ANKRD44: variants seen among roughly 807,000 people sequenced by gnomAD.
The protein encoded by ANKRD44 is serine/threonine-protein phosphatase 6 regulatory ankyrin repeat subunit B.
A neutral mutation model predicts 116.0 loss-of-function variants in ANKRD44; 35 were observed. That is an observed-to-expected ratio of 0.30 (90% CI 0.23 to 0.40). The LOEUF is 0.40. Among genes scored for constraint, ANKRD44 ranks in the 10% least tolerant of loss-of-function variants. ANKRD44 has a pLI of 1.00. For missense variants in ANKRD44, 1,014 were observed against 1,242.6 expected, an observed-to-expected ratio of 0.82 and a Z score of 2.77; for synonymous variants, 435 against 461.8, an observed-to-expected ratio of 0.94 and a Z score of 0.74.
chr2:197,088,961 G>T, intron 11 of ANKRD44, 187 bp from the exon 12 acceptor site: 1 of 467,906 alleles, frequency 2.1e-6, no homozygotes, highest in Non-Finnish European at 3.7e-6. Flanking sequence ...CAATTTTATA[G>T]GAAGAACCGT....
chr2:197,107,722 C>T (rs2078465579), intron 9 of ANKRD44, among the ~76,000 whole-genome samples: 1 of 152,196 alleles, frequency 6.6e-6, no homozygotes, highest in African/African-American at 2.4e-5. Flanking sequence ...AAATGCTGTG[C>T]CCATGTGGTC....
At chr2:197,074,436 G>A (rs939418290) in intron 16 of ANKRD44, among the ~76,000 whole-genome samples, 1 of 152,058 alleles carries the variant, frequency 6.6e-6, no homozygotes, top group African/African-American at 2.4e-5. Flanking sequence ...TGCTTTCTTA[G>A]TCTTGAGAGG....
At position 197,023,543 on chromosome 2, in the gene ANKRD44, C is replaced by A. The variant is rs76268328; in HGVS notation, c.1722+1653G>T. On this transcript the variant is annotated intron_variant, in intron 17 of 27. Transcript: ENST00000282272. Reference sequence around the variant, plus strand: ...GCAACCCATAGAGTTTAGCAGAGTACACAATAAGCATTCAACAAATACACT... The same window carrying A: ...GCAACCCATAGAGTTTAGCAGAGTAAACAATAAGCATTCAACAAATACACT... Among the ~76,000 whole-genome samples, 673 of 151,866 alleles carry A rather than the reference C, an allele frequency of 4.4e-3. 6 individuals are homozygous for A. Among genetic ancestry groups the A allele is most frequent in the African/African-American group, 0.016 (649 of 41,396 alleles).
chr2:197,247,212 A>C (rs558134547), intron 1 of ANKRD44, among the ~76,000 whole-genome samples: 4 of 152,306 alleles, frequency 2.6e-5, no homozygotes, highest in Admixed American at 1.3e-4. Context: ...TCTGAACATG[A>C]CGCCAGGCAG....
At chr2:197,032,508 C>A (rs1483004885) in intron 16 of ANKRD44, among the ~76,000 whole-genome samples, 1 of 151,978 alleles carries the variant, frequency 6.6e-6, no homozygotes, top group Non-Finnish European at 1.5e-5. Flanking sequence ...CCTGCCTCAG[C>A]CTCCTGAGTA....
intron 9 of ANKRD44, among the ~76,000 whole-genome samples, chr2:197,100,682 T>C (rs1231714746): frequency 1.3e-5 from 2 of 152,230 alleles, no homozygotes; most frequent in East Asian, 1.9e-4. Flanking sequence ...AATGATTTCA[T>C]GTAATTTGAT....
At chr2:197,028,329 C>T (rs1162304170) in intron 16 of ANKRD44, among the ~76,000 whole-genome samples, 1 of 151,934 alleles carries the variant, frequency 6.6e-6, no homozygotes, top group Non-Finnish European at 1.5e-5. Context: ...CTCAAGTGAT[C>T]CTCCCACCTC....
intron 2 of ANKRD44, among the ~76,000 whole-genome samples, chr2:197,151,757 A>C (rs868038370): frequency 2.0e-5 from 3 of 152,310 alleles, no homozygotes; most frequent in Middle Eastern, 6.8e-3. Context: ...CTTGCAGTCC[A>C]CTGATCAGTT....
chr2:197,098,659 G>A (rs1179589315), intron 10 of ANKRD44, among the ~76,000 whole-genome samples: 1 of 152,092 alleles, frequency 6.6e-6, no homozygotes, highest in Non-Finnish European at 1.5e-5. Context: ...TGTTCAAAGA[G>A]CTTTTAACAT....
chr2:197,257,277 G>A (rs1299620203), intron 1 of ANKRD44, among the ~76,000 whole-genome samples: 2 of 152,050 alleles, frequency 1.3e-5, no homozygotes, highest in Admixed American at 1.3e-4. Flanking sequence ...GACCCACCTG[G>A]GAAAGCTAAA....
chr2:197,202,516 T>C (rs2081115027), intron 1 of ANKRD44, among the ~76,000 whole-genome samples: 1 of 152,162 alleles, frequency 6.6e-6, no homozygotes, highest in Non-Finnish European at 1.5e-5. Flanking sequence ...AGGACCAAGC[T>C]GCTCAGAACT....
intron 21 of ANKRD44, among the ~76,000 whole-genome samples, chr2:197,002,911 T>C (rs1345638351): frequency 1.3e-5 from 2 of 152,136 alleles, no homozygotes; most frequent in East Asian, 3.8e-4. Context: ...ATGGGACAAT[T>C]TGAAATATTA....
In ANKRD44 at chr2:197,240,940, C is replaced by T. The variant is rs2082077875; in HGVS notation, c.28-53834G>A. 2.6e-5 allele frequency among the ~76,000 whole-genome samples: 4 copies of T among 151,778 alleles called. No homozygotes were observed. The South Asian group carries it at 6.2e-4, about 24-fold the overall frequency. On this transcript the variant is annotated intron_variant, in intron 1 of 27. Transcript: ENST00000282272. ...CATCAGCTTTCCCCAAATGCATAATCCACAGCTGGCAAAGTCTCAGAAGCA... is the reference window on the plus strand; with the variant it reads ...CATCAGCTTTCCCCAAATGCATAATTCACAGCTGGCAAAGTCTCAGAAGCA...
chr2:197,039,235 G>A (rs2076862751), intron 16 of ANKRD44, among the ~76,000 whole-genome samples: 1 of 152,188 alleles, frequency 6.6e-6, no homozygotes. Context: ...GGATAGAGAA[G>A]AGAGATAGCT....
At position 197,009,672 on chromosome 2, in the gene ANKRD44, A is replaced by G. The variant is rs559829440; in HGVS notation, c.1925-641T>C. On this transcript the variant is annotated intron_variant, in intron 18 of 27. Coordinates refer to ENST00000282272, the MANE Select transcript of ANKRD44 (RefSeq NM_001195144.2). Reference sequence around the variant, plus strand: ...GCATGAGCCACCGTGCCTGGCCCCAAGTGACATTTATTTGGACTTCAAATC... The same window carrying G: ...GCATGAGCCACCGTGCCTGGCCCCAGGTGACATTTATTTGGACTTCAAATC... Among the ~76,000 whole-genome samples the G allele has an allele frequency of 3.3e-5, 5 of 152,220 alleles. No homozygotes were observed. In the South Asian group the frequency reaches 1.0e-3, roughly 32 times the overall value.
At chr2:197,041,695 C>T (rs1190433431) in intron 16 of ANKRD44, among the ~76,000 whole-genome samples, 1 of 152,174 alleles carries the variant, frequency 6.6e-6, no homozygotes, top group Non-Finnish European at 1.5e-5. Context: ...AGCAGAACTA[C>T]AGGGAACCTC....
intron 2 of ANKRD44, among the ~76,000 whole-genome samples, chr2:197,164,033 A>C (rs2712881): frequency 0.93 from 141,607 of 152,246 alleles, 66,664 homozygotes; most frequent in East Asian, 1. Flanking sequence ...GGTCACGTGG[A>C]GTCCTTACTC....
At chr2:197,125,086 A>T (rs893324272) in intron 6 of ANKRD44, among the ~76,000 whole-genome samples, 2 of 152,264 alleles carry the variant, frequency 1.3e-5, no homozygotes, top group East Asian at 3.8e-4. Context: ...CTGCCATGAC[A>T]AGTTAAAATA....
chr2:197,077,836 CAAAT>C (rs2125122288), intron 16 of ANKRD44: 1 of 152,250 alleles, frequency 6.6e-6, no homozygotes, highest in African/African-American at 2.4e-5. Flanking sequence ...ATAATTGTCA[CAAAT>C]AGTCATCTCT....
Sources: gnomAD v4.1 joint callset for allele counts (sites outside exome capture counted in the v4.1 genomes callset) on GRCh38, gnomAD v4.1.1 for gene constraint, MANE v1.5 for transcripts, NCBI Gene and HGNC (gene_info 2026-07-23, HGNC 2026-07-21) for gene names.